TEX14: variants seen among roughly 807,000 people sequenced by gnomAD.
TEX14 encodes the protein inactive serine/threonine-protein kinase TEX14.
Under a neutral mutation model 178.6 loss-of-function variants are expected in TEX14, and 168 were observed. The observed-to-expected ratio is 0.94, with a 90% confidence interval of 0.83 to 1.07. The LOEUF is 1.07. Among genes scored for constraint, TEX14 ranks in the 50% least tolerant of loss-of-function variants. The pLI, the probability that TEX14 is intolerant of heterozygous loss-of-function variation, is 0.00. For missense variants in TEX14, 1,730 were observed against 1,753.6 expected (o/e 0.99, Z 0.24); for synonymous variants, 626 against 634.1 (o/e 0.99, Z 0.19).
intron 3 of TEX14, among the ~76,000 whole-genome samples, chr17:58,624,022 G>A (rs369542173): frequency 2.7e-4 from 41 of 152,240 alleles, no homozygotes; most frequent in African/African-American, 8.9e-4. Flanking sequence ...GGTGGCTCAC[G>A]CCTGTAATCC....
intron 3 of TEX14, among the ~76,000 whole-genome samples, chr17:58,626,793 C>T (rs541995943): frequency 2.0e-5 from 3 of 152,180 alleles, no homozygotes; most frequent in African/African-American, 7.2e-5. Context: ...ATCGCTTGAA[C>T]CCAGGAAGCA....
intron 2 of TEX14, among the ~76,000 whole-genome samples, chr17:58,640,293 G>A (rs1485356815): frequency 6.8e-6 from 1 of 148,034 alleles, no homozygotes; most frequent in Non-Finnish European, 1.5e-5. Context: ...GTGACACAGC[G>A]AGACTCTGTC....
intron 1 of TEX14, among the ~76,000 whole-genome samples, chr17:58,674,001 C>T (rs1415142985): frequency 3.3e-5 from 5 of 152,104 alleles, no homozygotes; most frequent in African/African-American, 7.2e-5. Flanking sequence ...GGGCCGGGTG[C>T]GGTGTCTCCC....
chr17:58,665,173 A>G (rs2047183363), intron 1 of TEX14, among the ~76,000 whole-genome samples: 1 of 152,014 alleles, frequency 6.6e-6, no homozygotes, highest in South Asian at 2.1e-4. Flanking sequence ...TTTTATATTT[A>G]TAGAGATAGG....
chr17:58,561,474 A>G (rs1489980231), intron 29 of TEX14, 46 bp downstream of exon 29: 1 of 1,347,944 alleles, frequency 7.4e-7, no homozygotes. Context: ...ACCTAGCCCC[A>G]CTTCCTGAAA....
intron 5 of TEX14, 38 bp from the exon 6 acceptor site, chr17:58,617,657 A>G (rs1360213616): frequency 2.1e-6 from 3 of 1,431,284 alleles, no homozygotes; most frequent in Non-Finnish European, 2.9e-6. Flanking sequence ...CCTCAGAATT[A>G]ACCACTCATA....
At position 58,611,252 on chromosome 17, in the gene TEX14, C is replaced by T. The variant is rs202097168; in HGVS notation, c.1093G>A (p.Gly365Arg). 3 of 1,613,590 alleles carry T rather than the reference C, an allele frequency of 1.9e-6. No individual in the cohort carries two copies. The highest frequency in any genetic ancestry group is 2.5e-6 in the Non-Finnish European group (3 of 1,179,622). Residue 365 changes from glycine to arginine, a missense_variant, in exon 10 of 32, where the codon GGG becomes AGG. Transcript: ENST00000349033. ...SDALRYLHFQ[G>R]FIHRSLSSYA... ...GAGCTGAGGGAGCGGTGGATAAACC[C>T]CTGGAAATGCAGGTATCTCAGGGCA...
chr17:58,584,369 A>G (rs1222342009), intron 19 of TEX14, 131 bp downstream of exon 19: 3 of 642,632 alleles, frequency 4.7e-6, no homozygotes, highest in African/African-American at 3.6e-5. Context: ...TGTCAGTGAC[A>G]TGAAGGCACA....
chr17:58,581,240 G>A (rs1280690466), intron 19 of TEX14, among the ~76,000 whole-genome samples: 1 of 150,280 alleles, frequency 6.7e-6, no homozygotes, highest in Non-Finnish European at 1.5e-5. Flanking sequence ...GAACCCGGGA[G>A]GCAGAGGATG....
At chr17:58,659,272 G>A (rs575896994) in intron 1 of TEX14, 116 of 871,476 alleles carry the variant, frequency 1.3e-4, no homozygotes, top group Admixed American at 9.9e-4. Context: ...ACTTTATCAG[G>A]ACCAACAGCG....
chr17:58,579,693 T>G lies in TEX14; in HGVS notation c.3210A>C (p.Gln1070His), dbSNP rs2044764824. The G allele has an allele frequency of 1.9e-6, 3 of 1,613,930 alleles. No homozygotes were observed. Among genetic ancestry groups the G allele is most frequent in the East Asian group, 2.2e-5 (1 of 44,890 alleles). The change falls in exon 20 of 32, where the codon CAA becomes CAC. Residue 1070 changes from glutamine to histidine, a missense_variant. This residue lies in a region of TEX14 where 941 missense variants were observed against 1,072.4 expected (regional missense o/e 0.88). Transcript: ENST00000349033. ...SPIEEDFEGI[Q>H]GAFAQPQVSG... ...AGACTTGAGGTTGGGCAAATGCACC[T>G]TGTATTCCTTCAAAGTCCTCTTCTA...
intron 20 of TEX14, among the ~76,000 whole-genome samples, chr17:58,579,429 AT>A (rs1422925477): frequency 6.6e-6 from 1 of 152,234 alleles, no homozygotes; most frequent in East Asian, 1.9e-4. Context: ...AACATTTGCT[AT>A]AAAAATGCAA....
At position 58,569,304 on chromosome 17, in the gene TEX14, C is replaced by G; in HGVS notation, c.3818-44G>C. Reference sequence around the variant, plus strand: ...AAAAGGGAAAATGTCTTAACACCCTCCTGGACCTGAACTGAATTTTTCTCG... The same window carrying G: ...AAAAGGGAAAATGTCTTAACACCCTGCTGGACCTGAACTGAATTTTTCTCG... On this transcript the variant is annotated intron_variant, in intron 25 of 31. Coordinates refer to ENST00000349033, the MANE Select transcript of TEX14 (RefSeq NM_031272.5). The surrounding 1 kb of genome is among the most constrained non-coding windows in gnomAD (Gnocchi z 4.1). The G allele has an allele frequency of 6.6e-7, 1 of 1,523,678 alleles. No homozygotes were observed. The highest frequency in any genetic ancestry group is 9.1e-7 in the Non-Finnish European group (1 of 1,099,854). The allele number at this position is 1,523,678 out of a possible 1,614,324, so 94.4% of individuals were successfully genotyped here. A position where few individuals can be genotyped will look rare whatever the true frequency, so the allele number is the denominator to read the frequency against.
intron 14 of TEX14, 59 bp downstream of exon 14, chr17:58,598,817 C>G: frequency 6.9e-7 from 1 of 1,459,656 alleles, no homozygotes; most frequent in South Asian, 1.3e-5. Context: ...AGGTTTCCAG[C>G]CACAACCATT....
chr17:58,566,610 C>A (rs956266123), intron 26 of TEX14, among the ~76,000 whole-genome samples: 2 of 151,582 alleles, frequency 1.3e-5, no homozygotes, highest in African/African-American at 4.8e-5. Context: ...CCCAGCCTGG[C>A]CAACATAGTG....
chr17:58,655,230 C>A (rs1228237382), intron 1 of TEX14, among the ~76,000 whole-genome samples: 1 of 151,868 alleles, frequency 6.6e-6, no homozygotes, highest in Non-Finnish European at 1.5e-5. Context: ...CCAGGCTGGG[C>A]TGGAGTGCAG....
intron 1 of TEX14, among the ~76,000 whole-genome samples, chr17:58,654,133 G>C: frequency 6.6e-6 from 1 of 152,090 alleles, no homozygotes; most frequent in East Asian, 1.9e-4. Context: ...AGCTGAGATT[G>C]CACCACTGCA....
intron 17 of TEX14, among the ~76,000 whole-genome samples, chr17:58,587,116 G>A (rs1275073954): frequency 2.0e-5 from 3 of 152,052 alleles, no homozygotes; most frequent in African/African-American, 7.2e-5. Context: ...GAAGTGTCTT[G>A]GTCTTTATTT....
In TEX14 at chr17:58,599,672, G is replaced by A. The variant is rs1567727493; in HGVS notation, c.1679-6C>T. 6.9e-6 allele frequency: 11 copies of A among 1,596,212 alleles called. No homozygotes were observed. The highest frequency in any genetic ancestry group is 9.4e-6 in the Non-Finnish European group (11 of 1,173,100). ...TGGTGAATGAGGTTGACTGCCTATT[G>A]AAAAAAACAGCAAAATGCAACTCAT... On this transcript the variant is annotated splice_region_variant and splice_polypyrimidine_tract_variant and intron_variant, in intron 13 of 31. Coordinates refer to ENST00000349033, the MANE Select transcript of TEX14 (RefSeq NM_031272.5).
Sources: allele counts gnomAD v4.1 joint callset (sites outside exome capture counted in the v4.1 genomes callset), GRCh38; gene constraint gnomAD v4.1.1; regional missense constraint gnomAD v4.1.1; non-coding constraint Gnocchi (gnomAD v3.1); transcripts MANE v1.5; gene names NCBI Gene and HGNC (gene_info 2026-07-23, HGNC 2026-07-21).